The following ARHGAP10 variants were observed in gnomAD, a reference collection of about 807,000 sequenced individuals.
ARHGAP10 encodes the protein Rho GTPase activating protein 10.
A neutral mutation model predicts 108.6 loss-of-function variants in ARHGAP10; 87 were observed. The observed-to-expected ratio is 0.80, with a 90% CI of 0.67 to 0.96. The LOEUF is 0.96. Ranked by LOEUF, ARHGAP10 falls within the 40% of genes least tolerant of loss-of-function variation. The probability of loss-of-function intolerance (pLI) is 0.00; values close to 1 mark genes in which losing one functional copy is unlikely to be tolerated. For missense variants in ARHGAP10, 939 were observed against 954.5 expected (o/e 0.98, Z 0.21); for synonymous variants, 347 against 341.1 (o/e 1.02, Z -0.19).
At chr4:147,900,311 T>G (rs1736187774) in intron 10 of ARHGAP10, among the ~76,000 whole-genome samples, 1 of 152,212 alleles carries the variant, frequency 6.6e-6, no homozygotes, top group Admixed American at 6.5e-5. Flanking sequence ...ATTTATGAAT[T>G]TAAGAATTCT....
At chr4:147,836,824 G>A (rs1048164959) in intron 3 of ARHGAP10, among the ~76,000 whole-genome samples, 1 of 151,582 alleles carries the variant, frequency 6.6e-6, no homozygotes, top group Admixed American at 6.6e-5. Flanking sequence ...ATTGCTTCAA[G>A]TATGATGTGC....
chr4:147,789,203 A>G (rs1262603341), intron 1 of ARHGAP10, among the ~76,000 whole-genome samples: 1 of 152,222 alleles, frequency 6.6e-6, no homozygotes, highest in Non-Finnish European at 1.5e-5. Flanking sequence ...GCTTAAGTTC[A>G]GCATGGCATA....
At chr4:147,755,557 A>G (rs1397876982) in intron 1 of ARHGAP10, among the ~76,000 whole-genome samples, 1 of 152,172 alleles carries the variant, frequency 6.6e-6, no homozygotes, top group Non-Finnish European at 1.5e-5. Flanking sequence ...TACCAGTTCC[A>G]TGTTATCAAG....
intron 5 of ARHGAP10, chr4:147,857,913 C>T (rs1383089199): frequency 5.3e-6 from 1 of 187,434 alleles, no homozygotes; most frequent in East Asian, 1.4e-4. Context: ...AGGAACATAA[C>T]TTTAAACCAG....
chr4:148,018,131 T>C (rs538903405), intron 18 of ARHGAP10, among the ~76,000 whole-genome samples: 1 of 152,282 alleles, frequency 6.6e-6, no homozygotes, highest in South Asian at 2.1e-4. Context: ...TCTTATGTTG[T>C]AAATACGTAG....
chr4:147,737,183 C>T (rs1249269758), intron 1 of ARHGAP10, among the ~76,000 whole-genome samples: 2 of 152,106 alleles, frequency 1.3e-5, no homozygotes. Flanking sequence ...GTGAGTCTCG[C>T]CCTGTTGCCT....
chr4:148,056,555 C>T (rs1014120798), intron 20 of ARHGAP10, among the ~76,000 whole-genome samples: 2 of 151,904 alleles, frequency 1.3e-5, no homozygotes, highest in African/African-American at 4.8e-5. Context: ...ACTTCCCGCC[C>T]CCACCCCACC....
Position 147,868,661 on chromosome 4 carries a change from A to G in ARHGAP10, c.702+1845A>G, listed in dbSNP as rs531540322. Among the ~76,000 whole-genome samples, 69 of 152,282 alleles carry G rather than the reference A, an allele frequency of 4.5e-4. 1 individual carries two copies. Among genetic ancestry groups the G allele is most frequent in the African/African-American group, 1.5e-3 (63 of 41,564 alleles). ...CCGGGGACTGGTTTTAAGGAAGACAATTCTATAGATGCAGTGGGGGTGGGA... is the reference window on the plus strand; with the variant it reads ...CCGGGGACTGGTTTTAAGGAAGACAGTTCTATAGATGCAGTGGGGGTGGGA... On this transcript the variant is annotated intron_variant, in intron 7 of 22. Transcript: ENST00000336498.
chr4:147,969,822 G>A (rs1015756612), intron 18 of ARHGAP10, among the ~76,000 whole-genome samples: 18 of 152,124 alleles, frequency 1.2e-4, no homozygotes, highest in African/African-American at 4.1e-4. Context: ...GAGGTCTTTC[G>A]GTTTTCCTTC....
intron 13 of ARHGAP10, among the ~76,000 whole-genome samples, chr4:147,913,607 G>A (rs576009177): frequency 5.9e-5 from 9 of 152,070 alleles, no homozygotes; most frequent in Admixed American, 5.9e-4. Context: ...ACATGTCGAA[G>A]TTTCTTCTTA....
chr4:147,875,756 C>A (rs1400075588), intron 8 of ARHGAP10, among the ~76,000 whole-genome samples: 1 of 152,156 alleles, frequency 6.6e-6, no homozygotes, highest in East Asian at 1.9e-4. Context: ...AACTTGTAGG[C>A]TTTTTAGTCT....
chr4:148,040,422 G>A (rs1205220408), intron 19 of ARHGAP10, among the ~76,000 whole-genome samples: 1 of 152,062 alleles, frequency 6.6e-6, no homozygotes, highest in Non-Finnish European at 1.5e-5. Context: ...GCTCACTGCA[G>A]CCTCCACCTC....
chr4:147,948,260 A>G (rs753807872), intron 15 of ARHGAP10, among the ~76,000 whole-genome samples: 91 of 152,154 alleles, frequency 6.0e-4, no homozygotes, highest in Non-Finnish European at 1.1e-3. Flanking sequence ...CTGAAACATC[A>G]TATTACTGTA....
intron 13 of ARHGAP10, among the ~76,000 whole-genome samples, chr4:147,924,904 T>C (rs966633640): frequency 1.1e-4 from 16 of 152,156 alleles, no homozygotes; most frequent in South Asian, 1.0e-3. Flanking sequence ...AATCCAGTCA[T>C]TGAGGCCAAT....
chr4:147,961,326 C>T (rs1203688531), intron 16 of ARHGAP10, among the ~76,000 whole-genome samples: 1 of 152,068 alleles, frequency 6.6e-6, no homozygotes, highest in Non-Finnish European at 1.5e-5. Context: ...GTTTTTTGGT[C>T]ACTGGAATAA....
At chr4:148,048,302 TTATTAAG>T (rs1042000588) in intron 20 of ARHGAP10, among the ~76,000 whole-genome samples, 1 of 152,218 alleles carries the variant, frequency 6.6e-6, no homozygotes, top group Non-Finnish European at 1.5e-5. Context: ...GATTGTGAAC[TTATTAAG>T]TATTAAGAGA....
chr4:148,061,953 T>G (rs1729639527), intron 20 of ARHGAP10, among the ~76,000 whole-genome samples: 1 of 148,650 alleles, frequency 6.7e-6, no homozygotes, highest in Non-Finnish European at 1.5e-5. Context: ...ACAGGGGGAG[T>G]ATTGGGGGAG....
chr4:147,793,989 TA>T (rs1377014484), intron 1 of ARHGAP10, among the ~76,000 whole-genome samples: 1 of 152,236 alleles, frequency 6.6e-6, no homozygotes, highest in Non-Finnish European at 1.5e-5. Flanking sequence ...CTACTATTCT[TA>T]AAATGTTCTG....
At chr4:147,870,562 C>CT (rs34085253) in intron 7 of ARHGAP10, among the ~76,000 whole-genome samples, 22 of 139,782 alleles carry the variant, frequency 1.6e-4, no homozygotes, top group African/African-American at 5.1e-4. Context: ...AGTGGCTAGA[C>CT]TTTTTTTTTT....
Sources: allele counts gnomAD v4.1 joint callset (sites outside exome capture counted in the v4.1 genomes callset), GRCh38; gene constraint gnomAD v4.1.1; transcripts MANE v1.5; gene names NCBI Gene and HGNC (gene_info 2026-07-23, HGNC 2026-07-21).